Variants in MYOT observed in about 807,000 individuals in gnomAD.
MYOT encodes the protein myotilin, also known as 57 kDa cytoskeletal protein.
Under a neutral mutation model 58.0 loss-of-function variants are expected in MYOT, and 36 were observed. That is an observed-to-expected ratio of 0.62 (90% CI 0.48 to 0.82). The LOEUF (loss-of-function observed/expected upper bound fraction) is 0.82, where lower values mean the gene tolerates loss of function less well. MYOT is among the 40% of genes least tolerant of loss of function. The pLI, the probability that MYOT is intolerant of heterozygous loss-of-function variation, is 0.00. For synonymous variants in MYOT, 218 were observed against 204.6 expected, an observed-to-expected ratio of 1.07 and a Z score of -0.56; for missense variants, 505 against 592.1, an observed-to-expected ratio of 0.85 and a Z score of 1.53.
At chr5:137,876,602 C>G (rs1022160637) in intron 3 of MYOT, among the ~76,000 whole-genome samples, 1 of 151,894 alleles carries the variant, frequency 6.6e-6, no homozygotes, top group African/African-American at 2.4e-5. Flanking sequence ...GTTAGGAGTT[C>G]GAGAACAGCC....
At chr5:137,876,204 A>C in intron 3 of MYOT, 1 of 585,122 alleles carries the variant, frequency 1.7e-6, no homozygotes, top group South Asian at 2.2e-5. Context: ...AATGAAGCAA[A>C]TGAAAAATGT....
Position 137,870,718 on chromosome 5 carries a change from C to A in MYOT, c.67C>A (p.Pro23Thr), listed in dbSNP as rs751876756. ...SQNPCGSRLQ[P>T]PGPETSSFSS... is the part of the protein sequence containing the mutation. ...AAACCCATGTGGCTCCAGATTGCAGCCTCCTGGACCAGAAACCTCCAGCTT... is the reference window on the plus strand; with the variant it reads ...AAACCCATGTGGCTCCAGATTGCAGACTCCTGGACCAGAAACCTCCAGCTT... Residue 23 changes from proline (P) to threonine (T), a missense_variant, in exon 2 of 10, where the codon CCT becomes ACT. Physicochemically the swap from Pro to Thr is conservative, Grantham distance 38. Transcript: ENST00000239926. 3 of 1,614,254 alleles carry A rather than the reference C, an allele frequency of 1.9e-6. No homozygotes were observed. Among genetic ancestry groups the A allele is most frequent in the Non-Finnish European group, 2.5e-6 (3 of 1,180,050 alleles).
At chr5:137,877,212 C>T (rs1387356323) in intron 3 of MYOT, among the ~76,000 whole-genome samples, 1 of 151,388 alleles carries the variant, frequency 6.6e-6, no homozygotes, top group Non-Finnish European at 1.5e-5. Context: ...ACTAAAAATA[C>T]AAAAAATTAG....
rs1309789504 is a variant in MYOT at position 137,870,798 on chromosome 5, G to A, written c.147G>A (p.Glu49=). The change falls in exon 2 of 10, where the codon GAG becomes GAA. Residue 49 remains glutamate, a synonymous_variant. Coordinates refer to ENST00000239926, the MANE Select transcript of MYOT (RefSeq NM_006790.3). The part of the protein sequence containing the change: ...SIIIQPRQCT[E]QRFSASSTLS... ...TCATCCAGCCCCGCCAGTGTACAGA[G>A]CAAAGATTTTCTGCCTCCTCAACAC... 1 of 1,614,032 alleles carries A rather than the reference G, an allele frequency of 6.2e-7. No homozygotes were observed. Among genetic ancestry groups the A allele is most frequent in the East Asian group, 2.2e-5 (1 of 44,894 alleles).
chr5:137,873,680 T>G (rs1431261291), intron 2 of MYOT, among the ~76,000 whole-genome samples: 2 of 152,222 alleles, frequency 1.3e-5, no homozygotes, highest in African/African-American at 4.8e-5. Flanking sequence ...AAAAACATTT[T>G]GTTTGGCTAT....
chr5:137,870,549 T>G lies in MYOT; in HGVS notation c.-103T>G. On this transcript the variant is annotated 5_prime_UTR_variant, in exon 2 of 10. Transcript: ENST00000239926. Reference sequence around the variant, plus strand: ...AGGTTGCTTCTGATTCCTTACAACCTTCCGTAATTCCAGGCTTGTGGCCCC... The same window carrying G: ...AGGTTGCTTCTGATTCCTTACAACCGTCCGTAATTCCAGGCTTGTGGCCCC... The G allele has an allele frequency of 9.8e-7, 1 of 1,023,366 alleles. No individual in the cohort carries two copies. Among genetic ancestry groups the G allele is most frequent in the Non-Finnish European group, 1.6e-6 (1 of 642,466 alleles). The allele number at this position is 1,023,366 out of a possible 1,614,324, so 63.4% of individuals were successfully genotyped here.
chr5:137,871,420 T>C (rs1755046675), intron 2 of MYOT, among the ~76,000 whole-genome samples: 2 of 152,252 alleles, frequency 1.3e-5, no homozygotes, highest in Admixed American at 1.3e-4. Context: ...AGATAGGATT[T>C]CCTCTCACAT....
At chr5:137,874,087 T>C (rs1755132958) in intron 2 of MYOT, among the ~76,000 whole-genome samples, 1 of 152,220 alleles carries the variant, frequency 6.6e-6, no homozygotes, top group South Asian at 2.1e-4. Context: ...CTCATCTGGA[T>C]AGCCAGAGAA....
In MYOT at chr5:137,870,543, A is replaced by G; in HGVS notation, c.-109A>G. ...AGACCAAGGTTGCTTCTGATTCCTTACAACCTTCCGTAATTCCAGGCTTGT... is the reference window on the plus strand; with the variant it reads ...AGACCAAGGTTGCTTCTGATTCCTTGCAACCTTCCGTAATTCCAGGCTTGT... On this transcript the variant is annotated 5_prime_UTR_variant, in exon 2 of 10. Transcript: ENST00000239926. 1 of 986,976 alleles carries G rather than the reference A, an allele frequency of 1.0e-6. No individual in the cohort carries two copies. The highest frequency in any genetic ancestry group is 1.6e-6 in the Non-Finnish European group (1 of 610,068). 61.1% of individuals were successfully genotyped at this position (986,976 alleles called of 1,614,324 possible).
intron 5 of MYOT, among the ~76,000 whole-genome samples, chr5:137,881,312 A>G (rs1561662860): frequency 6.6e-6 from 1 of 152,206 alleles, no homozygotes; most frequent in Non-Finnish European, 1.5e-5. Context: ...ATACAGCCCT[A>G]AGGCCTCTCT....
At chr5:137,870,398 T>C in intron 1 of MYOT, 43 bp from the exon 2 acceptor site, 2 of 577,422 alleles carry the variant, frequency 3.5e-6, no homozygotes, top group East Asian at 2.9e-5. Context: ...AACAATGTTA[T>C]TGTTTAAGCA....
Position 137,877,556 on chromosome 5 carries a change from C to A in MYOT, c.568C>A (p.Leu190Ile). 6.2e-7 allele frequency: 1 copy of A among 1,613,764 alleles called. No homozygotes were observed. Among genetic ancestry groups the A allele is most frequent in the Non-Finnish European group, 8.5e-7 (1 of 1,179,778 alleles). Residue 190 changes from leucine (L) to isoleucine (I), a missense_variant, in exon 4 of 10, where the codon CTA (leucine) becomes ATA (isoleucine). Leu to Ile is a conservative substitution (Grantham distance 5). Transcript: ENST00000239926. ...TYEEKMARRL[L>I]GPQNAAAVFQ... ...TGAAGAGAAGATGGCTCGCAGATTG[C>A]TAGGACCACAGAATGCAGCTGCTGT...
Position 137,887,477 on chromosome 5 carries a change from G to C in MYOT, c.*92G>C. On this transcript the variant is annotated 3_prime_UTR_variant, in exon 10 of 10. Coordinates refer to ENST00000239926, the MANE Select transcript of MYOT (RefSeq NM_006790.3). ...AAATTAATCCATAGCTGTATTAACA[G>C]ATTATGGTTTTAATTAGGTAATATA... 1 of 1,222,444 alleles carries C rather than the reference G, an allele frequency of 8.2e-7. No individual in the cohort carries two copies. The highest frequency in any genetic ancestry group is 1.2e-6 in the Non-Finnish European group (1 of 849,358). The allele number at this position is 1,222,444 out of a possible 1,614,324, so 75.7% of individuals were successfully genotyped here. A position where few individuals can be genotyped will look rare whatever the true frequency, so the allele number is the denominator to read the frequency against.
In MYOT at chr5:137,887,016, C is replaced by T. The variant is rs776387227; in HGVS notation, c.1324+19C>T. Reference sequence around the variant, plus strand: ...GTTACGGGTATGTCATACTATTAACCAAAGTATTATAAGGGATTTAACTAG... The same window carrying T: ...GTTACGGGTATGTCATACTATTAACTAAAGTATTATAAGGGATTTAACTAG... On this transcript the variant is annotated intron_variant, in intron 9 of 9. Transcript: ENST00000239926. 1.2e-6 allele frequency: 2 copies of T among 1,607,750 alleles called. No individual in the cohort carries two copies. Among genetic ancestry groups the T allele is most frequent in the Non-Finnish European group, 1.7e-6 (2 of 1,174,354 alleles).
In MYOT at chr5:137,887,468, G is replaced by A; in HGVS notation, c.*83G>A. 1.5e-6 allele frequency: 2 copies of A among 1,292,118 alleles called. No individual in the cohort carries two copies. The highest frequency in any genetic ancestry group is 2.5e-5 in the South Asian group (2 of 81,030). 80.0% of individuals were successfully genotyped at this position (1,292,118 alleles called of 1,614,324 possible). The stretch of plus-strand genomic sequence containing the variant: ...ATTTTTTTGAAATTAATCCATAGCT[G>A]TATTAACAGATTATGGTTTTAATTA... On this transcript the variant is annotated 3_prime_UTR_variant, in exon 10 of 10. Transcript: ENST00000239926.
intron 6 of MYOT, chr5:137,883,073 C>T (rs928067926): frequency 3.0e-6 from 1 of 331,996 alleles, no homozygotes; most frequent in Non-Finnish European, 5.7e-6. Flanking sequence ...GCAATGACTT[C>T]TATATTCCTT....
At chr5:137,884,063 T>C (rs529928281) in intron 7 of MYOT, among the ~76,000 whole-genome samples, 1 of 151,970 alleles carries the variant, frequency 6.6e-6, no homozygotes, top group East Asian at 1.9e-4. Flanking sequence ...AAGTGAAGAG[T>C]AGGCTGGGTA....
intron 6 of MYOT, chr5:137,882,647 C>G (rs1755473902): frequency 6.1e-6 from 1 of 163,040 alleles, no homozygotes; most frequent in African/African-American, 2.4e-5. Flanking sequence ...GATCCACTCA[C>G]CTTGGCTTCC....
At chr5:137,874,512 C>T (rs1392081968) in intron 2 of MYOT, among the ~76,000 whole-genome samples, 1 of 152,144 alleles carries the variant, frequency 6.6e-6, no homozygotes, top group Admixed American at 6.6e-5. Flanking sequence ...CCCTGCAGGG[C>T]TCTGAATGGA....
Sources: allele counts gnomAD v4.1 joint callset (sites outside exome capture counted in the v4.1 genomes callset), GRCh38; gene constraint gnomAD v4.1.1; transcripts MANE v1.5; gene names NCBI Gene and HGNC (gene_info 2026-07-23, HGNC 2026-07-21).